The following MCF2L2 variants were observed in gnomAD, a reference collection of about 807,000 sequenced individuals.
MCF2L2 encodes probable guanine nucleotide exchange factor MCF2L2.
MCF2L2 carries 102 observed loss-of-function variants against 150.2 expected under a neutral mutation model. The observed-to-expected ratio is 0.68, with a 90% CI of 0.58 to 0.80. The LOEUF is 0.80. Ranked by LOEUF, MCF2L2 falls within the 30% of genes least tolerant of loss-of-function variation. MCF2L2 has a pLI of 0.00. For synonymous variants in MCF2L2, 465 were observed against 491.3 expected (o/e 0.95, Z 0.71); for missense variants, 1,256 against 1,372.8 (o/e 0.91, Z 1.34).
At chr3:183,400,663 G>A in intron 1 of MCF2L2, 2 of 289,478 alleles carry the variant, frequency 6.9e-6, no homozygotes, top group Non-Finnish European at 6.9e-6. Context: ...CAGGATTACA[G>A]CCCCAGCAGA....
intron 25 of MCF2L2, 139 bp from the exon 26 acceptor site, chr3:183,195,394 T>A (rs1337162321): frequency 1.7e-6 from 1 of 596,520 alleles, no homozygotes; most frequent in Non-Finnish European, 2.9e-6. Flanking sequence ...GTCTTGATCA[T>A]ATTTTCCCAG....
intron 3 of MCF2L2, among the ~76,000 whole-genome samples, chr3:183,351,222 ATATATATATATATATTTATTTATTTATT>A (rs1468065191): frequency 2.1e-4 from 19 of 90,148 alleles, no homozygotes; most frequent in African/African-American, 7.1e-4. Flanking sequence ...ATATATATAT[ATATATATATATATATTTATTTATTTATT>A]TATCAGAACC....
intron 3 of MCF2L2, among the ~76,000 whole-genome samples, chr3:183,363,444 T>C (rs778966387): frequency 6.6e-6 from 1 of 152,172 alleles, no homozygotes; most frequent in Non-Finnish European, 1.5e-5. Flanking sequence ...AAACAAACTG[T>C]GGCATGCCAG....
chr3:183,276,834 C>A (rs571256224), intron 15 of MCF2L2, 38 bp downstream of exon 15: 1 of 1,468,970 alleles, frequency 6.8e-7, no homozygotes, highest in East Asian at 2.4e-5. Flanking sequence ...ATGCCCCGCA[C>A]CCCCTCGCCC....
At chr3:183,302,473 G>A (rs982455794) in intron 10 of MCF2L2, among the ~76,000 whole-genome samples, 6 of 152,242 alleles carry the variant, frequency 3.9e-5, no homozygotes, top group African/African-American at 7.2e-5. Flanking sequence ...GAGCAAGAAG[G>A]AAATGAGTGG....
chr3:183,204,221 T>C (rs1722394307), intron 25 of MCF2L2, among the ~76,000 whole-genome samples: 1 of 152,022 alleles, frequency 6.6e-6, no homozygotes, highest in Admixed American at 6.6e-5. Flanking sequence ...TGGGAAAAAA[T>C]ACTTGCAAAT....
rs1721453152 is a variant in MCF2L2, at chr3:183,179,772, T to C, written c.3106-80A>G. The C allele has an allele frequency of 7.6e-7, 1 of 1,309,484 alleles. No homozygotes were observed. Among genetic ancestry groups the C allele is most frequent in the Admixed American group, 1.8e-5 (1 of 54,172 alleles). 81.1% of individuals were successfully genotyped at this position (1,309,484 alleles called of 1,614,324 possible). Reference sequence around the variant, plus strand: ...GACCGGGCAAGGTGGTGACTCCCGCTGGCAGGCTGAGGCCCACCCCAGCCC... The same window carrying C: ...GACCGGGCAAGGTGGTGACTCCCGCCGGCAGGCTGAGGCCCACCCCAGCCC... On this transcript the variant is annotated intron_variant, in intron 28 of 29. Coordinates refer to ENST00000328913, the MANE Select transcript of MCF2L2 (RefSeq NM_015078.4). This position sits in a 1 kb window ranked among gnomAD's most constrained non-coding sequence, Gnocchi z 4.2.
At chr3:183,249,756 G>T (rs1724430597) in intron 15 of MCF2L2, among the ~76,000 whole-genome samples, 1 of 152,232 alleles carries the variant, frequency 6.6e-6, no homozygotes, top group Admixed American at 6.5e-5. Context: ...TTGGGCCTTG[G>T]TGGCATCAAA....
At chr3:183,335,608 C>CTA (rs1730445801) in intron 5 of MCF2L2, among the ~76,000 whole-genome samples, 1 of 151,958 alleles carries the variant, frequency 6.6e-6, no homozygotes, top group Non-Finnish European at 1.5e-5. Context: ...TGGCTCACAC[C>CTA]TATAATCCCA....
At chr3:183,274,548 G>A (rs1727042871) in intron 15 of MCF2L2, among the ~76,000 whole-genome samples, 2 of 152,114 alleles carry the variant, frequency 1.3e-5, no homozygotes, top group African/African-American at 4.8e-5. Context: ...TTTAAAACTT[G>A]TAAGCATCCG....
chr3:183,290,911 G>C (rs1336787813), intron 13 of MCF2L2, among the ~76,000 whole-genome samples: 1 of 152,114 alleles, frequency 6.6e-6, no homozygotes, highest in Admixed American at 6.5e-5. Context: ...TCTTAGCTAT[G>C]GTAGACTTGA....
intron 3 of MCF2L2, among the ~76,000 whole-genome samples, chr3:183,345,157 A>T (rs1730851381): frequency 6.6e-6 from 1 of 152,236 alleles, no homozygotes; most frequent in Admixed American, 6.5e-5. Context: ...AAAACTGACC[A>T]CATAATTGGA....
chr3:183,188,927 C>T (rs375073891), intron 27 of MCF2L2, among the ~76,000 whole-genome samples: 1 of 151,988 alleles, frequency 6.6e-6, no homozygotes, highest in East Asian at 1.9e-4. Context: ...CTGATGGTGC[C>T]GTTGCACTCC....
At chr3:183,339,763 T>C (rs1478337170) in intron 4 of MCF2L2, among the ~76,000 whole-genome samples, 1 of 150,040 alleles carries the variant, frequency 6.7e-6, no homozygotes, top group Non-Finnish European at 1.5e-5. Flanking sequence ...CCTATGGGGA[T>C]TTTTTTTTTC....
At chr3:183,246,283 A>G (rs186795298) in intron 15 of MCF2L2, among the ~76,000 whole-genome samples, 6 of 152,286 alleles carry the variant, frequency 3.9e-5, no homozygotes, top group Admixed American at 1.3e-4. Flanking sequence ...CATCACCACT[A>G]GCCATTTCCA....
chr3:183,414,794 T>A (rs903020702), intron 1 of MCF2L2, among the ~76,000 whole-genome samples: 3 of 148,970 alleles, frequency 2.0e-5, no homozygotes, highest in Non-Finnish European at 4.5e-5. Context: ...CCTTGTGAGT[T>A]CTTGTTGACT....
At chr3:183,415,300 C>T (rs1715531090) in intron 1 of MCF2L2, among the ~76,000 whole-genome samples, 1 of 152,068 alleles carries the variant, frequency 6.6e-6, no homozygotes, top group South Asian at 2.1e-4. Context: ...GATTCTCCTG[C>T]CTCAGCCTCC....
intron 15 of MCF2L2, among the ~76,000 whole-genome samples, chr3:183,252,983 A>G (rs983884020): frequency 2.6e-5 from 4 of 152,204 alleles, no homozygotes; most frequent in Admixed American, 6.5e-5. Flanking sequence ...AAAGGAGGAA[A>G]ATAGCTCAAA....
chr3:183,275,147 A>G (rs570987093), intron 15 of MCF2L2, among the ~76,000 whole-genome samples: 1 of 151,896 alleles, frequency 6.6e-6, no homozygotes, highest in Non-Finnish European at 1.5e-5. Flanking sequence ...CCCCAAATTT[A>G]TATTTAGTCA....
Sources: allele counts gnomAD v4.1 joint callset (sites outside exome capture counted in the v4.1 genomes callset), GRCh38; gene constraint gnomAD v4.1.1; non-coding constraint Gnocchi (gnomAD v3.1); transcripts MANE v1.5; gene names NCBI Gene and HGNC (gene_info 2026-07-23, HGNC 2026-07-21).